The following FBXW5 variants were observed in gnomAD, a reference collection of about 807,000 sequenced individuals.
FBXW5 encodes the protein F-box/WD repeat-containing protein 5.
FBXW5 carries 74 observed loss-of-function variants against 50.9 expected under a neutral mutation model. The ratio of observed to expected loss-of-function variants is 1.45; its 90% CI spans 1.20 to 1.76. The LOEUF is 1.76. FBXW5 is among the 40% of genes most tolerant of loss of function. The pLI is 0.00. For missense variants in FBXW5, 1,073 were observed against 818.8 expected, an observed-to-expected ratio of 1.31 and a Z score of -3.79; for synonymous variants, 523 against 362.2, an observed-to-expected ratio of 1.44 and a Z score of -5.04.
intron 5 of FBXW5, 27 bp from the exon 6 acceptor site, chr9:136,942,493 G>A (rs756067551): frequency 6.3e-7 from 1 of 1,596,294 alleles, no homozygotes; most frequent in South Asian, 1.1e-5. Flanking sequence ...GTGCCAGGTG[G>A]GCGCCGGGCG....
Position 136,943,513 on chromosome 9 carries a change from G to C in FBXW5, c.194-7C>G. The C allele has an allele frequency of 6.2e-7, 1 of 1,605,296 alleles. No individual in the cohort carries two copies. The highest frequency in any genetic ancestry group is 8.5e-7 in the Non-Finnish European group (1 of 1,174,196). On this transcript the variant is annotated splice_region_variant and splice_polypyrimidine_tract_variant and intron_variant, in intron 2 of 8. Transcript: ENST00000325285. The stretch of plus-strand genomic sequence containing the variant: ...TCGTACCAGGACATGGCCGCTGCGG[G>C]TGGGCAGTTGTCAGTCCTGGGCCCG...
Position 136,941,086 on chromosome 9 carries a change from A to C in FBXW5, c.1543T>G (p.Ser515Ala), listed in dbSNP as rs1304647901. The stretch of plus-strand genomic sequence containing the variant: ...TGCTCCTGGGGACTGAAGACCACTG[A>C]GTTGACCACATCCTCGTGCCGCAGC... ...ARLRHEDVVN[S>A]VVFSPQEQEL... Residue 515 changes from serine to alanine, a missense_variant, in exon 9 of 9, where the codon TCA (serine) becomes GCA (alanine). Coordinates refer to ENST00000325285, the MANE Select transcript of FBXW5 (RefSeq NM_018998.4). 8 of 1,570,402 alleles carry C rather than the reference A, an allele frequency of 5.1e-6. No homozygotes were observed. The East Asian group carries it at 1.2e-4, about 23-fold the overall frequency.
rs574859062 is a variant in FBXW5, at chr9:136,942,793, C to T, written c.502G>A (p.Gly168Ser). The change falls in exon 4 of 9, where the codon GGC (glycine) becomes AGC (serine). Residue 168 changes from glycine (G) to serine (S), a missense_variant. By Grantham distance (56) the Gly-to-Ser change is moderately conservative. Coordinates refer to ENST00000325285, the MANE Select transcript of FBXW5 (RefSeq NM_018998.4). ...VFLGPHNSSS[G>S]EIAVISLDSF... ...CCTAGGCTGATGACAGCAATCTCGCCGGATGAGGAGTTGTGCGGCCCCAGG... is the reference window on the plus strand; with the variant it reads ...CCTAGGCTGATGACAGCAATCTCGCTGGATGAGGAGTTGTGCGGCCCCAGG... 2.0e-5 allele frequency: 32 copies of T among 1,613,086 alleles called. No individual in the cohort carries two copies. Among genetic ancestry groups the T allele is most frequent in the South Asian group, 4.4e-5 (4 of 91,086 alleles).
Position 136,942,672 on chromosome 9 carries a change from C to A in FBXW5, c.550G>T (p.Val184Leu), listed in dbSNP as rs371335676. 1.2e-6 allele frequency: 2 copies of A among 1,610,254 alleles called. No individual in the cohort carries two copies. The highest frequency in any genetic ancestry group is 1.3e-5 in the African/African-American group (1 of 74,842). ...AACACGTCATAGGGCTTGTTCCGCA[C>A]GCGGGACAGCAGCGCGAAGGAGTCT... is the stretch of plus-strand genomic sequence containing the variant. Reference protein sequence around the residue: ...SLDSFALLSRVRNKPYDVFGC... With the variant: ...SLDSFALLSRLRNKPYDVFGC... The change falls in exon 5 of 9, where the codon GTG becomes TTG. Residue 184 changes from valine to leucine, a missense_variant. Physicochemically the swap from Val to Leu is conservative, Grantham distance 32. Coordinates refer to ENST00000325285, the MANE Select transcript of FBXW5 (RefSeq NM_018998.4).
rs748772815 is a variant in FBXW5, at chr9:136,940,901, C to T, written c.*27G>A. On this transcript the variant is annotated 3_prime_UTR_variant, in exon 9 of 9. Transcript: ENST00000325285. ...GCCTGGCGATGTCCTCAAGGGGTCCCGGTGGCTCCAGTGCACCCAGCACAC... is the reference window on the plus strand; with the variant it reads ...GCCTGGCGATGTCCTCAAGGGGTCCTGGTGGCTCCAGTGCACCCAGCACAC... 19 of 1,569,094 alleles carry T rather than the reference C, an allele frequency of 1.2e-5. No individual in the cohort carries two copies. Among genetic ancestry groups the T allele is most frequent in the African/African-American group, 2.7e-5 (2 of 74,166 alleles).
At position 136,943,989 on chromosome 9, in the gene FBXW5, A is replaced by G; in HGVS notation, c.95T>C (p.Val32Ala). ...GPADVLAAGL[V>A]CRQWQAVSRD... is the part of the protein sequence containing the mutation. ...CGACACGGCCTGCCATTGGCGGCACACCAGCCCGGCGGCCAGCACGTCGGC... is the reference window on the plus strand; with the variant it reads ...CGACACGGCCTGCCATTGGCGGCACGCCAGCCCGGCGGCCAGCACGTCGGC... Residue 32 changes from valine to alanine, a missense_variant, in exon 2 of 9, where the codon GTG (valine) becomes GCG (alanine). Coordinates refer to ENST00000325285, the MANE Select transcript of FBXW5 (RefSeq NM_018998.4). 6.3e-7 allele frequency: 1 copy of G among 1,587,116 alleles called. No homozygotes were observed.
intron 2 of FBXW5, 115 bp from the exon 3 acceptor site, chr9:136,943,621 G>A: frequency 7.2e-7 from 1 of 1,388,048 alleles, no homozygotes; most frequent in East Asian, 2.5e-5. Context: ...GAACCCACTA[G>A]TCATGGCATA....
chr9:136,940,872 CAG>C lies in FBXW5; in HGVS notation c.*54_*55del, dbSNP rs1850723294. 1.3e-6 allele frequency: 2 copies of C among 1,537,006 alleles called. No homozygotes were observed. Among genetic ancestry groups the C allele is most frequent in the East Asian group, 4.8e-5 (2 of 41,908 alleles). On this transcript the variant is annotated 3_prime_UTR_variant, in exon 9 of 9. Coordinates refer to ENST00000325285, the MANE Select transcript of FBXW5 (RefSeq NM_018998.4). ...ACCTCTCCCGCTCGGGAAAAAGCCA[CAG>C]AGCCTGGCGATGTCCTCAAGGGGTC...
Position 136,942,928 on chromosome 9 carries a change from G to A in FBXW5, c.367C>T (p.Leu123=). The A allele has an allele frequency of 1.2e-6, 2 of 1,613,378 alleles. No homozygotes were observed. Among genetic ancestry groups the A allele is most frequent in the Non-Finnish European group, 1.7e-6 (2 of 1,179,956 alleles). ...DCTVKIWSND[L]TISLLHSADM... ...GCGCTGTGCAGCAGCGAGATGGTCAGGTCGTTGCTCCAGATCTGTTCGGCA... is the reference window on the plus strand; with the variant it reads ...GCGCTGTGCAGCAGCGAGATGGTCAAGTCGTTGCTCCAGATCTGTTCGGCA... The change falls in exon 4 of 9, where the codon CTG becomes TTG. Residue 123 remains leucine (L), a synonymous_variant. Coordinates refer to ENST00000325285, the MANE Select transcript of FBXW5 (RefSeq NM_018998.4).
Position 136,942,317 on chromosome 9 carries a change from G to A in FBXW5, c.825C>T (p.Ser275=), listed in dbSNP as rs1850808639. ...TGCCCAGGTCAAAGATGCGGCAGGG[G>A]GACGTGGCCGGGTCACCGGCTTCCA... ...LLLEAGDPAT[S]PCRIFDLGSD... The change falls in exon 6 of 9, where the codon TCC becomes TCT. Residue 275 remains serine (S), a synonymous_variant. Transcript: ENST00000325285. 2 of 1,598,624 alleles carry A rather than the reference G, an allele frequency of 1.3e-6. No individual in the cohort carries two copies. Among genetic ancestry groups the A allele is most frequent in the Non-Finnish European group, 1.7e-6 (2 of 1,173,624 alleles).
In FBXW5 at chr9:136,944,614, G is replaced by GCGCCGCCCC. The variant is rs1850963827; in HGVS notation, c.-53_-45dup. On this transcript the variant is annotated 5_prime_UTR_variant, in exon 1 of 9. Transcript: ENST00000325285. ...CTCACCACGGCCGCCTCCGCCCGCTGCGCCGCCCCCGCCCTGCGCGACCCG... is the reference window on the plus strand; with the variant it reads ...CTCACCACGGCCGCCTCCGCCCGCTGCGCCGCCCCCGCCGCCCCCGCCCTGCGCGACCCG... 9 of 984,160 alleles carry GCGCCGCCCC rather than the reference G, an allele frequency of 9.1e-6. No homozygotes were observed. The highest frequency in any genetic ancestry group is 1.1e-5 in the Non-Finnish European group (9 of 828,994). The allele number at this position is 984,160 out of a possible 1,614,324, so 61.0% of individuals were successfully genotyped here.
At chr9:136,943,279 G>A (rs1316942203) in intron 3 of FBXW5, 70 bp downstream of exon 3, 2 of 772,616 alleles carry the variant, frequency 2.6e-6, no homozygotes, top group South Asian at 1.4e-5. Context: ...TGGTTGGAAC[G>A]CCTGGGTCCT....
chr9:136,943,094 G>A (rs1225273906), intron 3 of FBXW5, 151 bp from the exon 4 acceptor site: 13 of 1,288,906 alleles, frequency 1.0e-5, no homozygotes, highest in South Asian at 5.0e-5. Context: ...TCCACTCGGG[G>A]GGCATTGGTA....
At chr9:136,943,315 G>C in intron 3 of FBXW5, 34 bp downstream of exon 3, 2 of 1,603,018 alleles carry the variant, frequency 1.2e-6, no homozygotes, top group Non-Finnish European at 1.7e-6. Context: ...CGGCAGAGCT[G>C]GGTGGGGTGT....
At position 136,942,605 on chromosome 9, in the gene FBXW5, A is replaced by G. The variant is rs759520143; in HGVS notation, c.617T>C (p.Leu206Pro). The change falls in exon 5 of 9, where the codon CTG (leucine) becomes CCG (proline). Residue 206 changes from leucine to proline, a missense_variant. By Grantham distance (98) the Leu-to-Pro change is moderately conservative. Transcript: ENST00000325285. ...GGAGGTGATATCTCCGATGCGGTGC[A>G]GGTTCCCCGAGATGAGGCTGGTCTC... ...LTETSLISGNLHRIGDITSCS... is the reference protein window; with the variant it reads ...LTETSLISGNPHRIGDITSCS... 33 of 1,610,544 alleles carry G rather than the reference A, an allele frequency of 2.0e-5. No individual in the cohort carries two copies. The African/African-American group carries it at 4.4e-4, about 22-fold the overall frequency.
rs775259992 is a variant in FBXW5, at chr9:136,944,030, G to A, written c.54C>T (p.Phe18=). ...GCACGTCGGCCGGGCCCAGGCTCAG[G>A]AAGATCTGGTAGACCAGGCTGTCGG... ...LLPDSLVYQI[F]LSLGPADVLA... is the part of the protein sequence containing the mutation. Residue 18 remains phenylalanine (F), a synonymous_variant, in exon 2 of 9, where the codon TTC becomes TTT. Transcript: ENST00000325285. 5.0e-6 allele frequency: 8 copies of A among 1,604,302 alleles called. No individual in the cohort carries two copies. The East Asian group carries it at 1.6e-4, about 32-fold the overall frequency.
At chr9:136,942,488 A>C in intron 5 of FBXW5, 22 bp from the exon 6 acceptor site, 1 of 1,597,754 alleles carries the variant, frequency 6.3e-7, no homozygotes, top group Non-Finnish European at 8.6e-7. Context: ...GGCACGTGCC[A>C]GGTGGGCGCC....
In FBXW5 at chr9:136,942,137, G is replaced by A; in HGVS notation, c.1005C>T (p.His335=). 1 of 1,610,882 alleles carries A rather than the reference G, an allele frequency of 6.2e-7. No homozygotes were observed. ...TGGCACTGCGCTCGGGTGGCTTGGT[G>A]TGGCCCTGGGCCAGCAGCTCGGCCA... ...TKVAELLAQG[H]TKPPERSATG... Residue 335 remains histidine, a synonymous_variant, in exon 6 of 9, where the codon CAC becomes CAT. Transcript: ENST00000325285.
At chr9:136,944,486 GGGGCGGACGGCGGGGACGAGCGCAC>G (rs1850956456) in intron 1 of FBXW5, 83 bp downstream of exon 1, 12 of 983,572 alleles carry the variant, frequency 1.2e-5, no homozygotes, top group Non-Finnish European at 1.4e-5. Context: ...CGGCGGGCTC[GGGGCGGACGGCGGGGACGAGCGCAC>G]GGGCGGCCTC....
Sources: gnomAD v4.1 joint callset for allele counts on GRCh38, gnomAD v4.1.1 for gene constraint, MANE v1.5 for transcripts, NCBI Gene and HGNC (gene_info 2026-07-23, HGNC 2026-07-21) for gene names.